DPY19L1: variants seen among roughly 807,000 people sequenced by gnomAD.
The protein encoded by DPY19L1 is dpy-19 like C-mannosyltransferase 1.
Under a neutral mutation model 96.9 loss-of-function variants are expected in DPY19L1, and 35 were observed. The ratio of observed to expected loss-of-function variants is 0.36; its 90% confidence interval spans 0.28 to 0.48. The LOEUF (loss-of-function observed/expected upper bound fraction) is 0.48, where lower values mean the gene tolerates loss of function less well. DPY19L1 is among the 20% of genes least tolerant of loss of function. The pLI is 0.99. For synonymous variants in DPY19L1, 205 were observed against 252.6 expected, an observed-to-expected ratio of 0.81 and a Z score of 1.79; for missense variants, 521 against 777.9, an observed-to-expected ratio of 0.67 and a Z score of 3.93.
At chr7:35,004,685 T>G (rs149361867) in intron 6 of DPY19L1, among the ~76,000 whole-genome samples, 1 of 152,246 alleles carries the variant, frequency 6.6e-6, no homozygotes, top group African/African-American at 2.4e-5. Context: ...TACTGGGTCA[T>G]AGATAATACA....
In DPY19L1 at chr7:34,947,672, C is replaced by T; in HGVS notation, c.1452G>A (p.Leu484=). ...CAAACACTACAAGAACAACTGGAAGCAATAATGTCTTTGTGTATCTCAGTG... is the reference window on the plus strand; with the variant it reads ...CAAACACTACAAGAACAACTGGAAGTAATAATGTCTTTGTGTATCTCAGTG... The part of the protein sequence containing the change: ...ETPLRYTKTL[L]LPVVLVVFVA... Residue 484 remains leucine (L), a synonymous_variant, in exon 15 of 22, where the codon TTG becomes TTA. Transcript: ENST00000638088. The T allele has an allele frequency of 2.5e-6, 4 of 1,611,934 alleles. No homozygotes were observed. The highest frequency in any genetic ancestry group is 3.4e-6 in the Non-Finnish European group (4 of 1,178,992).
intron 12 of DPY19L1, among the ~76,000 whole-genome samples, 169 bp downstream of exon 12, chr7:34,955,134 TTTAAC>T (rs1385594356): frequency 4.0e-4 from 60 of 151,074 alleles, no homozygotes; most frequent in Middle Eastern, 3.4e-3. Context: ...CAGGATTAAC[TTTAAC>T]TTGTTTCATA....
At chr7:35,037,863 G>A (rs1311576401), upstream of DPY19L1, 12 of 1,236,076 alleles carry the variant, frequency 9.7e-6, no homozygotes, top group Non-Finnish European at 1.1e-5. Flanking sequence ...GGACGCGGGG[G>A]CGGACGGCCT....
chr7:34,966,980 T>C lies in DPY19L1; in HGVS notation c.1015-9A>G. 6.6e-7 allele frequency: 1 copy of C among 1,511,162 alleles called. No individual in the cohort carries two copies. Among genetic ancestry groups the C allele is most frequent in the Non-Finnish European group, 8.9e-7 (1 of 1,129,158 alleles). The allele number at this position is 1,511,162 out of a possible 1,614,324, so 93.6% of individuals were successfully genotyped here. The stretch of plus-strand genomic sequence containing the variant: ...GCAAATAATGATGCAATCTGAAATT[T>C]AAAAAGAAATTAGAAGTAAAAAAGA... On this transcript the variant is annotated splice_polypyrimidine_tract_variant and intron_variant, in intron 9 of 21. Coordinates refer to ENST00000638088, the MANE Select transcript of DPY19L1 (RefSeq NM_001366673.1).
intron 6 of DPY19L1, among the ~76,000 whole-genome samples, chr7:35,002,994 T>C (rs1262139838): frequency 6.6e-6 from 1 of 152,072 alleles, no homozygotes; most frequent in Non-Finnish European, 1.5e-5. Context: ...ATGGTCTCGA[T>C]CTCCTGACCT....
chr7:34,952,672 A>C (rs1453607166), intron 13 of DPY19L1, among the ~76,000 whole-genome samples: 1 of 152,204 alleles, frequency 6.6e-6, no homozygotes, highest in African/African-American at 2.4e-5. Flanking sequence ...TAGAAAAGAA[A>C]TACTACATTT....
chr7:34,993,949 C>G, intron 6 of DPY19L1, among the ~76,000 whole-genome samples: 1 of 151,934 alleles, frequency 6.6e-6, no homozygotes, highest in Admixed American at 6.6e-5. Context: ...AACTGTAGTC[C>G]CAGCTACTCA....
intron 1 of DPY19L1, among the ~76,000 whole-genome samples, chr7:35,031,330 C>G (rs1276621687): frequency 2.0e-5 from 3 of 152,158 alleles, no homozygotes; most frequent in Non-Finnish European, 4.4e-5. Flanking sequence ...TCTAAGTAAT[C>G]TAGGCATGAT....
chr7:35,017,387 G>A (rs1347742357), intron 3 of DPY19L1, among the ~76,000 whole-genome samples: 2 of 150,832 alleles, frequency 1.3e-5, no homozygotes, highest in East Asian at 2.0e-4. Flanking sequence ...CCCAGCTACT[G>A]GGGAGGCTGA....
At chr7:34,945,382 CTT>C (rs1231712604) in intron 16 of DPY19L1, among the ~76,000 whole-genome samples, 1 of 152,206 alleles carries the variant, frequency 6.6e-6, no homozygotes, top group African/African-American at 2.4e-5. Context: ...TAATAATTTA[CTT>C]TCCCTGCTGA....
In DPY19L1 at chr7:34,941,864, T is replaced by C; in HGVS notation, c.1590A>G (p.Gln530=). 2 of 1,570,108 alleles carry C rather than the reference T, an allele frequency of 1.3e-6. No individual in the cohort carries two copies. Among genetic ancestry groups the C allele is most frequent in the South Asian group, 1.2e-5 (1 of 84,894 alleles). Residue 530 remains glutamine (Q), a synonymous_variant, in exon 18 of 22, where the codon CAA becomes CAG. Transcript: ENST00000638088. ...DHGELVYHAL[Q]LLAYTALGIL... ...TACCAAGGGCTGTATATGCTAACAA[T>C]TGCAATGCATGGTAAACCAGCTGAA...
chr7:35,032,391 T>C (rs1270795024), intron 1 of DPY19L1, among the ~76,000 whole-genome samples: 2 of 152,164 alleles, frequency 1.3e-5, no homozygotes, highest in African/African-American at 4.8e-5. Context: ...ACAGTAATCA[T>C]AGTGTCATGG....
chr7:34,930,388 G>A lies in DPY19L1; in HGVS notation c.*1185C>T, dbSNP rs1227190521. Reference sequence around the variant, plus strand: ...AATAAATAGGAAGAAAAAAACTAAAGAGGAGGACGAAATATACTTATTCCT... The same window carrying A: ...AATAAATAGGAAGAAAAAAACTAAAAAGGAGGACGAAATATACTTATTCCT... On this transcript the variant is annotated 3_prime_UTR_variant, in exon 22 of 22. Coordinates refer to ENST00000638088, the MANE Select transcript of DPY19L1 (RefSeq NM_001366673.1). The A allele has an allele frequency of 6.6e-6, 1 of 152,164 alleles. No individual in the cohort carries two copies. The highest frequency in any genetic ancestry group is 1.5e-5 in the Non-Finnish European group (1 of 68,030). The allele number at this position is 152,164 out of a possible 1,614,324, so 9.4% of individuals were successfully genotyped here.
At chr7:35,006,402 A>G (rs2128676927) in intron 6 of DPY19L1, among the ~76,000 whole-genome samples, 1 of 152,310 alleles carries the variant, frequency 6.6e-6, no homozygotes, top group African/African-American at 2.4e-5. Context: ...GTATTTATCA[A>G]TAAGAGAAAC....
At chr7:34,931,758 T>A in intron 21 of DPY19L1, 29 bp from the exon 22 acceptor site, 1 of 1,573,732 alleles carries the variant, frequency 6.4e-7, no homozygotes, top group East Asian at 2.3e-5. Context: ...ATGTTAAAAA[T>A]CAATATGCAT....
At chr7:35,024,995 A>C (rs10251482) in intron 1 of DPY19L1, among the ~76,000 whole-genome samples, 4,265 of 152,352 alleles carry the variant, frequency 0.028, 70 homozygotes, top group Non-Finnish European at 0.044. Flanking sequence ...AAATCTTAAC[A>C]CATAAAGATA....
At chr7:34,967,184 A>ATCATG (rs759746994) in intron 9 of DPY19L1, among the ~76,000 whole-genome samples, 5 of 152,156 alleles carry the variant, frequency 3.3e-5, no homozygotes, top group Non-Finnish European at 7.4e-5. Context: ...AGCTTTCTCA[A>ATCATG]TCATGTGAAT....
intron 8 of DPY19L1, among the ~76,000 whole-genome samples, chr7:34,972,202 C>G (rs1456514950): frequency 6.6e-6 from 1 of 152,162 alleles, no homozygotes; most frequent in African/African-American, 2.4e-5. Flanking sequence ...CTCTCCCCTC[C>G]CACTCTGTGC....
chr7:34,978,531 C>T (rs1584233281), intron 7 of DPY19L1, among the ~76,000 whole-genome samples: 1 of 152,056 alleles, frequency 6.6e-6, no homozygotes, highest in East Asian at 1.9e-4. Context: ...AGAGACATGG[C>T]TTGAGTATCT....
Sources: allele counts gnomAD v4.1 joint callset (sites outside exome capture counted in the v4.1 genomes callset), GRCh38; gene constraint gnomAD v4.1.1; transcripts MANE v1.5; gene names NCBI Gene and HGNC (gene_info 2026-07-23, HGNC 2026-07-21).